PAN3: variants seen among roughly 807,000 people sequenced by gnomAD.
The protein encoded by PAN3 is PAN2-PAN3 deadenylation complex subunit PAN3.
Under a neutral mutation model 96.2 loss-of-function variants are expected in PAN3, and 19 were observed. The ratio of observed to expected loss-of-function variants is 0.20; its 90% CI spans 0.14 to 0.29. The LOEUF is 0.29. Ranked by LOEUF, PAN3 falls within the 10% of genes least tolerant of loss-of-function variation. The pLI, the probability that PAN3 is intolerant of heterozygous loss-of-function variation, is 1.00. For missense variants in PAN3, 882 were observed against 1,108.1 expected, an observed-to-expected ratio of 0.80 and a Z score of 2.90; for synonymous variants, 433 against 406.6, an observed-to-expected ratio of 1.06 and a Z score of -0.78.
chr13:28,251,642 A>G (rs2387630), intron 6 of PAN3, among the ~76,000 whole-genome samples: 151,938 of 152,294 alleles, frequency 1, 75,792 homozygotes, highest in Middle Eastern at 1. Flanking sequence ...TTTTTGTTCT[A>G]TGAGCTGATA....
At chr13:28,210,889 C>G (rs1297502842) in intron 5 of PAN3, among the ~76,000 whole-genome samples, 4 of 151,916 alleles carry the variant, frequency 2.6e-5, no homozygotes, top group Non-Finnish European at 5.9e-5. Flanking sequence ...TTGGGCTGCT[C>G]TTTAGGTCCA....
intron 5 of PAN3, among the ~76,000 whole-genome samples, chr13:28,218,700 T>A (rs927616295): frequency 6.6e-6 from 1 of 152,168 alleles, no homozygotes; most frequent in Non-Finnish European, 1.5e-5. Flanking sequence ...AATAATAAGG[T>A]TAGAGAAACT....
intron 6 of PAN3, among the ~76,000 whole-genome samples, chr13:28,247,456 A>G (rs966695586): frequency 1.3e-5 from 2 of 151,868 alleles, no homozygotes; most frequent in Non-Finnish European, 2.9e-5. Flanking sequence ...CCATTTGTCT[A>G]TTTTTGCTTT....
Position 28,197,229 on chromosome 13 carries a change from G to T in PAN3, c.735G>T (p.Pro245=), listed in dbSNP as rs755094232. The T allele has an allele frequency of 9.3e-6, 15 of 1,613,466 alleles. No homozygotes were observed. The highest frequency in any genetic ancestry group is 1.2e-5 in the Non-Finnish European group (14 of 1,179,698). Residue 245 remains proline, a synonymous_variant, in exon 5 of 19, where the codon CCG becomes CCT. Coordinates refer to ENST00000380958, the MANE Select transcript of PAN3 (RefSeq NM_175854.8). ...RLGMLEERLV[P]MGSKARKAKN... is the part of the protein sequence containing the mutation. ...GGATGCTGGAGGAGAGGCTAGTTCC[G>T]ATGGGATCAAAGGCACGAAAAGCAA...
chr13:28,255,156 T>A (rs1253386132), intron 6 of PAN3, among the ~76,000 whole-genome samples: 1 of 152,162 alleles, frequency 6.6e-6, no homozygotes, highest in Non-Finnish European at 1.5e-5. Flanking sequence ...CCTTTTCTTA[T>A]ATTGTGAGGT....
At chr13:28,281,288 T>C in intron 16 of PAN3, 27 bp from the exon 17 acceptor site, 1 of 1,586,366 alleles carries the variant, frequency 6.3e-7, no homozygotes, top group Non-Finnish European at 8.6e-7. Flanking sequence ...AACATTAACA[T>C]TTTTCTCTTT....
intron 6 of PAN3, among the ~76,000 whole-genome samples, chr13:28,250,153 G>A (rs1375106198): frequency 1.3e-5 from 2 of 150,476 alleles, no homozygotes; most frequent in South Asian, 2.1e-4. Flanking sequence ...TCTTTCGCAT[G>A]CTGCATTTTT....
intron 6 of PAN3, among the ~76,000 whole-genome samples, chr13:28,245,083 A>G (rs943146428): frequency 1.1e-4 from 17 of 152,194 alleles, no homozygotes; most frequent in African/African-American, 3.6e-4. Context: ...TCCTGACCTC[A>G]TGATCCACCC....
intron 1 of PAN3, among the ~76,000 whole-genome samples, chr13:28,150,413 C>T (rs1005723996): frequency 1.3e-5 from 2 of 152,134 alleles, no homozygotes; most frequent in Non-Finnish European, 2.9e-5. Context: ...ATCATGAGGT[C>T]AGGAGATCGA....
At chr13:28,199,817 CAGG>C (rs1286463990) in intron 5 of PAN3, among the ~76,000 whole-genome samples, 1 of 151,924 alleles carries the variant, frequency 6.6e-6, no homozygotes, top group Non-Finnish European at 1.5e-5. Flanking sequence ...AGAATTGTGT[CAGG>C]AGCATATTCA....
At chr13:28,235,299 CCT>C (rs1339294398) in intron 6 of PAN3, among the ~76,000 whole-genome samples, 7 of 152,148 alleles carry the variant, frequency 4.6e-5, no homozygotes, top group African/African-American at 1.2e-4. Context: ...ATCCTCTTCC[CCT>C]GTTTACTTCC....
At chr13:28,212,600 T>C (rs73158104) in intron 5 of PAN3, among the ~76,000 whole-genome samples, 113 of 152,234 alleles carry the variant, frequency 7.4e-4, no homozygotes, top group Admixed American at 4.1e-3. Flanking sequence ...TGAGGAAGCT[T>C]AGAGGAAAGA....
chr13:28,274,979 TAGAATC>T (rs1296199667), intron 14 of PAN3, among the ~76,000 whole-genome samples: 1 of 151,942 alleles, frequency 6.6e-6, no homozygotes, highest in Non-Finnish European at 1.5e-5. Flanking sequence ...GAGCCATAGA[TAGAATC>T]AGAAAAAGAA....
At chr13:28,227,446 A>G (rs1882119605) in intron 6 of PAN3, among the ~76,000 whole-genome samples, 1 of 152,164 alleles carries the variant, frequency 6.6e-6, no homozygotes, top group Non-Finnish European at 1.5e-5. Context: ...TTACCGATCC[A>G]GTGATCTACA....
intron 6 of PAN3, among the ~76,000 whole-genome samples, chr13:28,230,314 A>T (rs1392251018): frequency 6.6e-6 from 1 of 152,034 alleles, no homozygotes; most frequent in African/African-American, 2.4e-5. Flanking sequence ...CAAAATATAA[A>T]TTAGTTACTA....
At chr13:28,195,417 A>G (rs1224894191) in intron 4 of PAN3, among the ~76,000 whole-genome samples, 1 of 152,214 alleles carries the variant, frequency 6.6e-6, no homozygotes, top group African/African-American at 2.4e-5. Context: ...AAGAAAAAAG[A>G]AACAAAACTC....
At chr13:28,227,517 T>A (rs1409086886) in intron 6 of PAN3, among the ~76,000 whole-genome samples, 2 of 152,210 alleles carry the variant, frequency 1.3e-5, no homozygotes, top group Non-Finnish European at 2.9e-5. Flanking sequence ...CTCGATTGCC[T>A]TTAGAACATG....
In PAN3 at chr13:28,138,755, T is replaced by A; in HGVS notation, c.98T>A (p.Val33Asp). 8.0e-7 allele frequency: 1 copy of A among 1,257,674 alleles called. No individual in the cohort carries two copies. Among genetic ancestry groups the A allele is most frequent in the Non-Finnish European group, 1.0e-6 (1 of 999,000 alleles). 77.9% of individuals were successfully genotyped at this position (1,257,674 alleles called of 1,614,324 possible). A position where few individuals can be genotyped will look rare whatever the true frequency, so the allele number is the denominator to read the frequency against. The change falls in exon 1 of 19, where the codon GTC (valine) becomes GAC (aspartate). Residue 33 changes from valine (V) to aspartate (D), a missense_variant. Physicochemically the swap from Val to Asp is radical, Grantham distance 152 (BLOSUM62 -3). Transcript: ENST00000380958. ...GTGGCGGTGGTGGCCCCGCCGGGGG[T>A]CGGGGGTGTCCCCGGCGGGGCGGCG... ...AAVAVVAPPG[V>D]GGVPGGAAVG...
intron 6 of PAN3, among the ~76,000 whole-genome samples, 173 bp from the exon 7 acceptor site, chr13:28,256,119 T>C (rs559457554): frequency 6.6e-6 from 1 of 152,344 alleles, no homozygotes; most frequent in South Asian, 2.1e-4. Context: ...TTACATTTGC[T>C]TTAATCAGAG....
Sources: gnomAD v4.1 joint callset for allele counts (sites outside exome capture counted in the v4.1 genomes callset) on GRCh38, gnomAD v4.1.1 for gene constraint, MANE v1.5 for transcripts, NCBI Gene and HGNC (gene_info 2026-07-23, HGNC 2026-07-21) for gene names.